Variants in PLCXD2 observed in about 807,000 individuals in gnomAD.
PLCXD2 encodes the protein phosphatidylinositol specific phospholipase C X domain containing 2.
Under a neutral mutation model 28.6 loss-of-function variants are expected in PLCXD2, and 21 were observed. The ratio of observed to expected loss-of-function variants is 0.73; its 90% CI spans 0.52 to 1.06. The LOEUF is 1.06. Among genes scored for constraint, PLCXD2 ranks in the 50% least tolerant of loss-of-function variants. The pLI, the probability that PLCXD2 is intolerant of heterozygous loss-of-function variation, is 0.00. For missense variants in PLCXD2, 369 were observed against 376.7 expected, an observed-to-expected ratio of 0.98 and a Z score of 0.17; for synonymous variants, 140 against 150.1, an observed-to-expected ratio of 0.93 and a Z score of 0.49.
intron 1 of PLCXD2, among the ~76,000 whole-genome samples, chr3:111,694,767 C>T (rs1345205386): frequency 6.6e-6 from 1 of 152,138 alleles, no homozygotes; most frequent in African/African-American, 2.4e-5. Context: ...TCCAGCTAGG[C>T]CGGTGCTCTC....
chr3:111,698,272 GTTGTCCACA>G (rs1043377079), intron 1 of PLCXD2, among the ~76,000 whole-genome samples: 3 of 152,180 alleles, frequency 2.0e-5, no homozygotes, highest in African/African-American at 7.2e-5. Flanking sequence ...TAGTACTGCT[GTTGTCCACA>G]TTGTGCAGAT....
chr3:111,712,286 T>C (rs1475359158), intron 2 of PLCXD2, among the ~76,000 whole-genome samples: 1 of 152,154 alleles, frequency 6.6e-6, no homozygotes, highest in African/African-American at 2.4e-5. Context: ...AGTCCTCTCG[T>C]TCCCTGAAAT....
At chr3:111,702,962 G>A (rs1464808502) in intron 1 of PLCXD2, among the ~76,000 whole-genome samples, 3 of 152,148 alleles carry the variant, frequency 2.0e-5, no homozygotes, top group Non-Finnish European at 2.9e-5. Flanking sequence ...CAGGAATGGG[G>A]GGACATTGTT....
intron 1 of PLCXD2, among the ~76,000 whole-genome samples, chr3:111,700,218 A>G (rs1322396898): frequency 6.6e-6 from 1 of 152,204 alleles, no homozygotes; most frequent in Non-Finnish European, 1.5e-5. Context: ...TCACCACTTT[A>G]CATTATAAAG....
At chr3:111,702,277 A>G (rs1171333900) in intron 1 of PLCXD2, among the ~76,000 whole-genome samples, 1 of 152,188 alleles carries the variant, frequency 6.6e-6, no homozygotes, top group Non-Finnish European at 1.5e-5. Flanking sequence ...AAACAAACTG[A>G]CTTGGCAAAC....
In PLCXD2 at chr3:111,676,580, G is replaced by A. The variant is rs527771239; in HGVS notation, c.163+1172G>A. On this transcript the variant is annotated intron_variant, in intron 1 of 4. Transcript: ENST00000477665. ...TGCTTTTGAGCAAGGAGAGGGCTGC[G>A]AAATTTCTTTATAGTTATGATCATG... Among the ~76,000 whole-genome samples, 5 of 152,226 alleles carry A rather than the reference G, an allele frequency of 3.3e-5. No homozygotes were observed. In the South Asian group the frequency reaches 8.3e-4, roughly 25 times the overall value.
At position 111,700,143 on chromosome 3, in the gene PLCXD2, T is replaced by C. The variant is rs188055629; in HGVS notation, c.164-7783T>C. 8.2e-4 allele frequency among the ~76,000 whole-genome samples: 125 copies of C among 152,240 alleles called. 1 individual carries two copies. In the East Asian group the frequency reaches 0.022, roughly 27 times the overall value. ...TGGGGTGAGCTCATGGGCACTGGTG[T>C]TTTTTAAAAGCGCCCCCTGCTCTGC... On this transcript the variant is annotated intron_variant, in intron 1 of 4. Coordinates refer to ENST00000477665, the MANE Select transcript of PLCXD2 (RefSeq NM_001185106.1).
chr3:111,720,161 A>G (rs1941325784), intron 3 of PLCXD2, among the ~76,000 whole-genome samples: 1 of 152,194 alleles, frequency 6.6e-6, no homozygotes. Context: ...ATTTAAAAAA[A>G]TTAAAGAACC....
At chr3:111,707,814 T>A in intron 1 of PLCXD2, 112 bp from the exon 2 acceptor site, 8 of 988,690 alleles carry the variant, frequency 8.1e-6, no homozygotes, top group Non-Finnish European at 1.2e-5. Context: ...ATTTGCAGTT[T>A]TAGTATGTTA....
intron 1 of PLCXD2, among the ~76,000 whole-genome samples, chr3:111,697,779 A>G (rs1940983597): frequency 6.6e-6 from 1 of 152,196 alleles, no homozygotes; most frequent in Admixed American, 6.5e-5. Context: ...ATGTTGTTAA[A>G]AATAAAAAGT....
intron 1 of PLCXD2, among the ~76,000 whole-genome samples, chr3:111,694,415 C>T (rs913065811): frequency 1.3e-5 from 2 of 151,962 alleles, no homozygotes; most frequent in Non-Finnish European, 2.9e-5. Flanking sequence ...ATGACTTTTT[C>T]TCTTATCGCA....
intron 1 of PLCXD2, among the ~76,000 whole-genome samples, chr3:111,691,787 T>C (rs547666836): frequency 6.6e-6 from 1 of 152,302 alleles, no homozygotes; most frequent in South Asian, 2.1e-4. Flanking sequence ...CCTGAACTAG[T>C]TGCAAAACCA....
intron 2 of PLCXD2, among the ~76,000 whole-genome samples, chr3:111,712,093 T>C (rs1941206752): frequency 6.6e-6 from 1 of 152,098 alleles, no homozygotes; most frequent in Non-Finnish European, 1.5e-5. Context: ...TGACAGTTGC[T>C]GCACCTAGAT....
intron 1 of PLCXD2, chr3:111,691,550 C>T (rs946484828): frequency 1.3e-5 from 2 of 152,192 alleles, no homozygotes; most frequent in Non-Finnish European, 2.9e-5. Flanking sequence ...TTTAAAATAG[C>T]TTTAATCTCT....
intron 2 of PLCXD2, among the ~76,000 whole-genome samples, chr3:111,712,601 C>G (rs73852872): frequency 1.0e-3 from 156 of 152,298 alleles, no homozygotes; most frequent in African/African-American, 3.4e-3. Flanking sequence ...TGCAACCAGC[C>G]TGGTGCTCCC....
chr3:111,675,719 G>T (rs1416020075), intron 1 of PLCXD2, among the ~76,000 whole-genome samples: 1 of 152,146 alleles, frequency 6.6e-6, no homozygotes, highest in East Asian at 1.9e-4. Context: ...TATGTGAGGG[G>T]TGCATTGTCT....
intron 1 of PLCXD2, among the ~76,000 whole-genome samples, chr3:111,694,635 C>T (rs1940935816): frequency 6.6e-6 from 1 of 152,138 alleles, no homozygotes; most frequent in South Asian, 2.1e-4. Flanking sequence ...CATGGCTGTA[C>T]CTGGAAGCTC....
At chr3:111,713,788 T>C (rs900821178) in intron 2 of PLCXD2, 99 bp from the exon 3 acceptor site, 4 of 1,321,556 alleles carry the variant, frequency 3.0e-6, no homozygotes, top group Non-Finnish European at 4.1e-6. Flanking sequence ...CATATGATTA[T>C]ATTTTCTTGC....
chr3:111,693,237 C>CGTAA (rs1356187441), intron 1 of PLCXD2, among the ~76,000 whole-genome samples: 1 of 152,106 alleles, frequency 6.6e-6, no homozygotes, highest in Non-Finnish European at 1.5e-5. Flanking sequence ...GCTTGCTTAC[C>CGTAA]CTTTCCAGTA....
Sources: gnomAD v4.1 joint callset for allele counts (sites outside exome capture counted in the v4.1 genomes callset) on GRCh38, gnomAD v4.1.1 for gene constraint, MANE v1.5 for transcripts, NCBI Gene and HGNC (gene_info 2026-07-23, HGNC 2026-07-21) for gene names.